MACROD2: variants seen among roughly 807,000 people sequenced by gnomAD.
MACROD2 encodes the protein mono-ADP ribosylhydrolase 2, also known as ADP-ribose glycohydrolase MACROD2.
MACROD2 carries 36 observed loss-of-function variants against 70.4 expected under a neutral mutation model. The ratio of observed to expected loss-of-function variants is 0.51; its 90% CI spans 0.39 to 0.68. MACROD2 has a LOEUF of 0.68. Ranked by LOEUF, MACROD2 falls within the 30% of genes least tolerant of loss-of-function variation. The probability of loss-of-function intolerance (pLI) is 0.00; values close to 1 mark genes in which losing one functional copy is unlikely to be tolerated. For synonymous variants in MACROD2, 172 were observed against 178.8 expected (o/e 0.96, Z 0.30); for missense variants, 496 against 538.4 (o/e 0.92, Z 0.78).
chr20:15,906,268 C>G (rs903107276), intron 10 of MACROD2, among the ~76,000 whole-genome samples: 3 of 152,256 alleles, frequency 2.0e-5, no homozygotes, highest in Non-Finnish European at 2.9e-5. Flanking sequence ...TTCACCAAAT[C>G]AGAAAGCTGC....
At chr20:15,511,431 CA>C in intron 8 of MACROD2, among the ~76,000 whole-genome samples, 1 of 152,218 alleles carries the variant, frequency 6.6e-6, no homozygotes, top group South Asian at 2.1e-4. Context: ...CGCAAAACTT[CA>C]CCTTTTGATC....
At chr20:14,183,930 A>G (rs1295881445) in intron 3 of MACROD2, among the ~76,000 whole-genome samples, 2 of 152,092 alleles carry the variant, frequency 1.3e-5, no homozygotes, top group African/African-American at 4.8e-5. Context: ...GAGATGCTGG[A>G]TATTAGACCT....
intron 6 of MACROD2, among the ~76,000 whole-genome samples, chr20:15,356,344 A>G (rs2078286977): frequency 6.6e-6 from 1 of 152,246 alleles, no homozygotes; most frequent in African/African-American, 2.4e-5. Flanking sequence ...TAAGGACTCA[A>G]TAAATGTTCT....
chr20:14,605,428 T>C (rs1449375894), intron 4 of MACROD2, among the ~76,000 whole-genome samples: 3 of 152,172 alleles, frequency 2.0e-5, no homozygotes, highest in Admixed American at 1.3e-4. Context: ...ATCAGTCATA[T>C]TGGATTAGGA....
chr20:14,433,735 G>GT (rs1162029048), intron 3 of MACROD2, among the ~76,000 whole-genome samples: 2 of 152,116 alleles, frequency 1.3e-5, no homozygotes, highest in South Asian at 2.1e-4. Flanking sequence ...CACCAAGACA[G>GT]TTTTTTTAAT....
intron 5 of MACROD2, among the ~76,000 whole-genome samples, chr20:14,885,045 T>A (rs1031338422): frequency 6.6e-6 from 1 of 152,208 alleles, no homozygotes; most frequent in African/African-American, 2.4e-5. Context: ...AGGCATGTCC[T>A]TAACCTTGGC....
At chr20:14,571,106 G>A (rs758089012) in intron 4 of MACROD2, among the ~76,000 whole-genome samples, 6 of 152,152 alleles carry the variant, frequency 3.9e-5, no homozygotes, top group South Asian at 4.1e-4. Flanking sequence ...AAGTACCTTC[G>A]AAGATGCTCA....
At chr20:15,294,138 A>AAC (rs2077565828) in intron 6 of MACROD2, among the ~76,000 whole-genome samples, 2 of 151,740 alleles carry the variant, frequency 1.3e-5, no homozygotes, top group East Asian at 1.9e-4. Flanking sequence ...AAAAAAAAAA[A>AAC]AAATTCAGGA....
chr20:15,631,394 T>A (rs535591840), intron 8 of MACROD2, among the ~76,000 whole-genome samples: 53 of 151,768 alleles, frequency 3.5e-4, no homozygotes, highest in African/African-American at 1.1e-3. Flanking sequence ...GCAGAAACCA[T>A]TATCAAATGA....
chr20:14,214,401 A>G (rs2081597122), intron 3 of MACROD2, among the ~76,000 whole-genome samples: 1 of 152,136 alleles, frequency 6.6e-6, no homozygotes, highest in African/African-American at 2.4e-5. Flanking sequence ...AGAGCTTTCA[A>G]ATAGTTGTTT....
intron 5 of MACROD2, among the ~76,000 whole-genome samples, chr20:14,731,030 CACAT>C (rs1333499063): frequency 3.2e-4 from 48 of 151,802 alleles, no homozygotes; most frequent in African/African-American, 1.1e-3. Context: ...CACTCACAAA[CACAT>C]ACATTAATTT....
chr20:15,278,474 C>T (rs1039976764), intron 6 of MACROD2, among the ~76,000 whole-genome samples: 2 of 152,170 alleles, frequency 1.3e-5, no homozygotes, highest in African/African-American at 2.4e-5. Flanking sequence ...CCTCCCAGTC[C>T]TGCTTTTCAC....
intron 8 of MACROD2, among the ~76,000 whole-genome samples, chr20:15,766,992 A>T (rs763638223): frequency 4.6e-5 from 7 of 152,206 alleles, no homozygotes; most frequent in Non-Finnish European, 7.3e-5. Flanking sequence ...CGTCCCACTG[A>T]CCAAAGCCAA....
chr20:15,457,474 T>C (rs2046743786), intron 7 of MACROD2, among the ~76,000 whole-genome samples: 1 of 152,092 alleles, frequency 6.6e-6, no homozygotes, highest in South Asian at 2.1e-4. Flanking sequence ...AACTGAAATA[T>C]CCCAGGTGGA....
chr20:14,719,722 G>C (rs955276737), intron 5 of MACROD2, among the ~76,000 whole-genome samples: 1 of 152,102 alleles, frequency 6.6e-6, no homozygotes, highest in Non-Finnish European at 1.5e-5. Context: ...AAGAAAGCAA[G>C]ATCTGAACTG....
intron 8 of MACROD2, among the ~76,000 whole-genome samples, chr20:15,790,971 T>C (rs1489511686): frequency 3.9e-5 from 6 of 151,974 alleles, no homozygotes; most frequent in African/African-American, 1.4e-4. Context: ...CTATATCTGT[T>C]ATTACCCTGT....
chr20:15,523,729 C>G (rs2047682557), intron 8 of MACROD2, among the ~76,000 whole-genome samples: 1 of 152,138 alleles, frequency 6.6e-6, no homozygotes, highest in Admixed American at 6.5e-5. Context: ...TGAAAACCTG[C>G]CCAGGTCTCT....
At chr20:15,536,755 G>A (rs1016210190) in intron 8 of MACROD2, among the ~76,000 whole-genome samples, 2 of 152,084 alleles carry the variant, frequency 1.3e-5, no homozygotes, top group Middle Eastern at 3.2e-3. Context: ...GTTTCTGGTG[G>A]TTCTGAGCTT....
chr20:14,485,723 A>AG (rs2084720890), intron 3 of MACROD2, among the ~76,000 whole-genome samples: 1 of 96,472 alleles, frequency 1.0e-5, no homozygotes, highest in Non-Finnish European at 2.1e-5. Flanking sequence ...AAAAAAAAAA[A>AG]GACCATGGAG....
Sources: allele counts gnomAD v4.1 joint callset (sites outside exome capture counted in the v4.1 genomes callset), GRCh38; gene constraint gnomAD v4.1.1; transcripts MANE v1.5; gene names NCBI Gene and HGNC (gene_info 2026-07-23, HGNC 2026-07-21).